SAMD4A: variants seen among roughly 807,000 people sequenced by gnomAD.
SAMD4A encodes protein Smaug homolog 1.
A neutral mutation model predicts 81.3 loss-of-function variants in SAMD4A; 33 were observed. The ratio of observed to expected loss-of-function variants is 0.41; its 90% CI spans 0.31 to 0.54. The LOEUF (loss-of-function observed/expected upper bound fraction) is 0.54, where lower values mean the gene tolerates loss of function less well. SAMD4A is among the 20% of genes least tolerant of loss of function. SAMD4A has a pLI of 0.37. For missense variants in SAMD4A, 854 were observed against 951.1 expected (o/e 0.90, Z 1.34); for synonymous variants, 389 against 382.1 (o/e 1.02, Z -0.21).
chr14:54,599,937 A>G lies in SAMD4A; in HGVS notation c.196+31825A>G, dbSNP rs186694071. Reference sequence around the variant, plus strand: ...TGAAATAAAAATTTCGAGAGAGTTTATAGATTTGTAGTCTTGGATCCTGGA... The same window carrying G: ...TGAAATAAAAATTTCGAGAGAGTTTGTAGATTTGTAGTCTTGGATCCTGGA... On this transcript the variant is annotated intron_variant, in intron 2 of 12. Transcript: ENST00000554335. Among the ~76,000 whole-genome samples, 44 of 152,320 alleles carry G rather than the reference A, an allele frequency of 2.9e-4. No homozygotes were observed. In the East Asian group the frequency reaches 7.5e-3, roughly 26 times the overall value.
chr14:54,782,895 A>G (rs1316569719), intron 11 of SAMD4A, among the ~76,000 whole-genome samples: 1 of 152,174 alleles, frequency 6.6e-6, no homozygotes, highest in African/African-American at 2.4e-5. Flanking sequence ...CTCTGGCCCC[A>G]TGTGCTCCCT....
intron 3 of SAMD4A, among the ~76,000 whole-genome samples, chr14:54,718,157 G>T (rs1222736613): frequency 6.6e-6 from 1 of 152,210 alleles, no homozygotes; most frequent in Non-Finnish European, 1.5e-5. Context: ...CTGGGATAGA[G>T]CTGGGGTCAC....
intron 2 of SAMD4A, chr14:54,687,394 G>A: frequency 2.2e-6 from 1 of 456,502 alleles, no homozygotes; most frequent in Non-Finnish European, 4.4e-6. Flanking sequence ...AAGAATCAAA[G>A]TTGGCATTCT....
intron 2 of SAMD4A, among the ~76,000 whole-genome samples, chr14:54,594,169 A>G (rs902453975): frequency 2.6e-5 from 4 of 152,222 alleles, no homozygotes; most frequent in African/African-American, 7.2e-5. Flanking sequence ...AGACCTCCCC[A>G]CTAAATGAAC....
At position 54,759,303 on chromosome 14, in the gene SAMD4A, G is replaced by A. The variant is rs145050363; in HGVS notation, c.1177-858G>A. On this transcript the variant is annotated intron_variant, in intron 6 of 12. Coordinates refer to ENST00000554335, the MANE Select transcript of SAMD4A (RefSeq NM_015589.6). The stretch of plus-strand genomic sequence containing the variant: ...AAGGCCTCCAGGCTCAGGCCTAGGT[G>A]TCTGACGGGACACCATTGCCCACCT... Among the ~76,000 whole-genome samples the A allele has an allele frequency of 7.9e-5, 12 of 152,286 alleles. No homozygotes were observed. The East Asian group carries it at 2.3e-3, about 29-fold the overall frequency.
At chr14:54,695,675 C>T (rs994491978) in intron 2 of SAMD4A, among the ~76,000 whole-genome samples, 11 of 150,598 alleles carry the variant, frequency 7.3e-5, no homozygotes, top group African/African-American at 2.7e-4. Flanking sequence ...AGGGTTAGGG[C>T]CGGGCACGGT....
At chr14:54,762,570 G>A (rs1407044728) in intron 7 of SAMD4A, among the ~76,000 whole-genome samples, 2 of 152,060 alleles carry the variant, frequency 1.3e-5, no homozygotes, top group Non-Finnish European at 2.9e-5. Flanking sequence ...ACACAGCTCT[G>A]CCAAGCCCAA....
intron 3 of SAMD4A, among the ~76,000 whole-genome samples, chr14:54,704,693 A>C (rs1046304130): frequency 1.3e-5 from 2 of 152,250 alleles, no homozygotes; most frequent in African/African-American, 4.8e-5. Flanking sequence ...GAAGGCAGGC[A>C]TCGGAGCCCT....
chr14:54,598,437 CTG>C (rs1472828872), intron 2 of SAMD4A, among the ~76,000 whole-genome samples: 2 of 152,168 alleles, frequency 1.3e-5, no homozygotes, highest in African/African-American at 4.8e-5. Context: ...TTTTTAATAA[CTG>C]TGTAATAGCT....
At chr14:54,636,067 T>C (rs1184037941) in intron 2 of SAMD4A, among the ~76,000 whole-genome samples, 1 of 152,176 alleles carries the variant, frequency 6.6e-6, no homozygotes, top group Non-Finnish European at 1.5e-5. Flanking sequence ...AGATAAGTCT[T>C]GTGGAAAAAA....
chr14:54,676,551 T>G (rs1391028464), intron 2 of SAMD4A, among the ~76,000 whole-genome samples: 1 of 152,074 alleles, frequency 6.6e-6, no homozygotes, highest in African/African-American at 2.4e-5. Flanking sequence ...TAATTTTTTT[T>G]TTTTTATTTC....
intron 9 of SAMD4A, among the ~76,000 whole-genome samples, chr14:54,773,505 G>A (rs536003702): frequency 3.3e-5 from 5 of 152,350 alleles, no homozygotes; most frequent in East Asian, 1.9e-4. Context: ...AAACCCTGCC[G>A]GCTGCTGTAT....
At chr14:54,680,888 G>A (rs762700234) in intron 2 of SAMD4A, among the ~76,000 whole-genome samples, 2 of 152,188 alleles carry the variant, frequency 1.3e-5, no homozygotes, top group South Asian at 2.1e-4. Flanking sequence ...CACCCTGCCA[G>A]CGGAGCCAGA....
At chr14:54,779,690 T>C (rs1335074318) in intron 11 of SAMD4A, among the ~76,000 whole-genome samples, 1 of 151,446 alleles carries the variant, frequency 6.6e-6, no homozygotes, top group Non-Finnish European at 1.5e-5. Flanking sequence ...TTTTTTTTTT[T>C]TTTTTTTCGA....
At position 54,772,400 on chromosome 14, in the gene SAMD4A, C is replaced by G. The variant is rs550249543; in HGVS notation, c.1715+2178C>G. On this transcript the variant is annotated intron_variant, in intron 9 of 12. Transcript: ENST00000554335. Reference sequence around the variant, plus strand: ...TCTGGTTGCCAGCAGTGGCAACCCTCTGCAAAGCTGGCTTTGTAATAACCC... The same window carrying G: ...TCTGGTTGCCAGCAGTGGCAACCCTGTGCAAAGCTGGCTTTGTAATAACCC... 2.0e-5 allele frequency among the ~76,000 whole-genome samples: 3 copies of G among 152,306 alleles called. No individual in the cohort carries two copies. In the South Asian group the frequency reaches 6.2e-4, roughly 32 times the overall value.
intron 2 of SAMD4A, among the ~76,000 whole-genome samples, chr14:54,570,355 C>G (rs190798571): frequency 2.7e-3 from 406 of 152,296 alleles, no homozygotes; most frequent in African/African-American, 9.5e-3. Flanking sequence ...AAGTCCACTT[C>G]GCAACCAGAG....
At chr14:54,711,266 G>C (rs1343724260) in intron 3 of SAMD4A, among the ~76,000 whole-genome samples, 1 of 152,098 alleles carries the variant, frequency 6.6e-6, no homozygotes, top group Non-Finnish European at 1.5e-5. Context: ...TGTTACTCTT[G>C]CTCCTTTTTG....
intron 2 of SAMD4A, among the ~76,000 whole-genome samples, chr14:54,700,627 G>C (rs905712581): frequency 6.6e-6 from 1 of 152,198 alleles, no homozygotes; most frequent in Non-Finnish European, 1.5e-5. Flanking sequence ...CCTAGCCCTT[G>C]TAGGGTCATC....
intron 10 of SAMD4A, 70 bp downstream of exon 10, chr14:54,775,205 G>C: frequency 6.3e-7 from 1 of 1,584,414 alleles, no homozygotes; most frequent in Non-Finnish European, 8.7e-7. Context: ...GTCCCCCCAG[G>C]TGACCCCAGG....
Sources: gnomAD v4.1 joint callset for allele counts (sites outside exome capture counted in the v4.1 genomes callset) on GRCh38, gnomAD v4.1.1 for gene constraint, MANE v1.5 for transcripts, NCBI Gene and HGNC (gene_info 2026-07-23, HGNC 2026-07-21) for gene names.